NDUFS3: variants seen among roughly 807,000 people sequenced by gnomAD.
NDUFS3 encodes the protein NADH:ubiquinone oxidoreductase core subunit S3.
In NDUFS3, 19 loss-of-function variants were observed where a neutral mutation model predicts 30.8. The ratio of observed to expected loss-of-function variants is 0.62; its 90% CI spans 0.43 to 0.91. The LOEUF is 0.91. Among genes scored for constraint, NDUFS3 ranks in the 40% least tolerant of loss-of-function variants. The probability of loss-of-function intolerance (pLI) is 0.00; values close to 1 mark genes in which losing one functional copy is unlikely to be tolerated. For synonymous variants in NDUFS3, 153 were observed against 135.8 expected, an observed-to-expected ratio of 1.13 and a Z score of -0.88; for missense variants, 331 against 342.0, an observed-to-expected ratio of 0.97 and a Z score of 0.25.
chr11:47,580,283 AAGAGGTGAACACCCC>A (rs1187557280), intron 2 of NDUFS3, among the ~76,000 whole-genome samples: 23 of 152,208 alleles, frequency 1.5e-4, no homozygotes, highest in African/African-American at 5.5e-4. Context: ...TAATTTTGAG[AAGAGGTGAACACCCC>A]AGCTGCTATA....
At chr11:47,581,142 CT>C (rs2097268621) in intron 4 of NDUFS3, 158 bp downstream of exon 4, 1 of 841,302 alleles carries the variant, frequency 1.2e-6, no homozygotes, top group African/African-American at 1.7e-5. Context: ...CCTCAGATAA[CT>C]CAAATATTTT....
chr11:47,583,687 G>A (rs1247987471), intron 6 of NDUFS3, among the ~76,000 whole-genome samples: 1 of 152,184 alleles, frequency 6.6e-6, no homozygotes, highest in Non-Finnish European at 1.5e-5. Flanking sequence ...CTCCTGCTGT[G>A]TTAGTGCTTT....
rs1479609982 is a variant in NDUFS3 at position 47,579,115 on chromosome 11, G to T, written c.24G>T (p.Arg8Ser). 3 of 1,586,458 alleles carry T rather than the reference G, an allele frequency of 1.9e-6. No homozygotes were observed. Among genetic ancestry groups the T allele is most frequent in the Non-Finnish European group, 2.6e-6 (3 of 1,168,124 alleles). Residue 8 changes from arginine to serine, a missense_variant, in exon 1 of 7, where the codon AGG (arginine) becomes AGT (serine). Transcript: ENST00000263774. ...ACATGGCGGCGGCGGCGGTAGCCAG[G>T]CTGTGGTGGCGCGGGATCTTGGGGG... MAAAAVA[R>S]LWWRGILGAS...
In NDUFS3 at chr11:47,584,427, A is replaced by AC; in HGVS notation, c.746dup (p.Glu250GlyfsTer6). 4 of 1,613,864 alleles carry AC rather than the reference A, an allele frequency of 2.5e-6. No individual in the cohort carries two copies. Among genetic ancestry groups the AC allele is most frequent in the Non-Finnish European group, 3.4e-6 (4 of 1,179,968 alleles). ...GGGAGGCTTTCCCAGTCTATCGCCA[A>AC]CCCCCGGAGAGTCTCAAGCTTGAAG... On this transcript the variant is annotated frameshift_variant, in exon 7 of 7. Transcript: ENST00000263774. LOFTEE classifies it high-confidence loss of function.
intron 2 of NDUFS3, among the ~76,000 whole-genome samples, chr11:47,579,984 G>GACACACACAC (rs36201718): frequency 2.5e-3 from 343 of 139,378 alleles, no homozygotes; most frequent in Non-Finnish European, 3.1e-3. Context: ...TTTTCTCATT[G>GACACACACAC]ACACACACAC....
At chr11:47,580,029 A>ACACACC (rs1555198653) in intron 2 of NDUFS3, among the ~76,000 whole-genome samples, 1 of 122,924 alleles carries the variant, frequency 8.1e-6, no homozygotes, top group Non-Finnish European at 1.7e-5. Context: ...ACACACACAC[A>ACACACC]CCTGGGCCTC....
rs748344094 is a variant in NDUFS3 at position 47,579,374 on chromosome 11, C to T, written c.133+40C>T. The T allele has an allele frequency of 2.7e-5, 43 of 1,610,652 alleles. 1 individual carries two copies. The East Asian group carries it at 9.6e-4, about 36-fold the overall frequency. ...GCAGCGCTCTTCTCTGAACTATCGGCGGGGCCCCTTAGATGCCTGTCCTTG... is the reference window on the plus strand; with the variant it reads ...GCAGCGCTCTTCTCTGAACTATCGGTGGGGCCCCTTAGATGCCTGTCCTTG... On this transcript the variant is annotated intron_variant, in intron 2 of 6. Coordinates refer to ENST00000263774, the MANE Select transcript of NDUFS3 (RefSeq NM_004551.3).
chr11:47,584,549 CCTA>C lies in NDUFS3; in HGVS notation c.*71_*73del. Reference sequence around the variant, plus strand: ...GATTGAGTGTCCGTGTAAATAAATTCCTACTTAGACTTACCACTTTGTGTGTGC... The same window carrying C: ...GATTGAGTGTCCGTGTAAATAAATTCCTTAGACTTACCACTTTGTGTGTGC... On this transcript the variant is annotated 3_prime_UTR_variant, in exon 7 of 7. Transcript: ENST00000263774. 1.3e-6 allele frequency: 2 copies of C among 1,578,358 alleles called. No homozygotes were observed. The highest frequency in any genetic ancestry group is 1.1e-5 in the South Asian group (1 of 90,066).
Position 47,582,202 on chromosome 11 carries a change from T to C in NDUFS3, c.496T>C (p.Tyr166His), listed in dbSNP as rs144217602. 66 of 1,614,044 alleles carry C rather than the reference T, an allele frequency of 4.1e-5. No homozygotes were observed. The highest frequency in any genetic ancestry group is 5.3e-5 in the Non-Finnish European group (62 of 1,180,036). ...AVSVFKAANW[Y>H]EREIWDMFGV... ...CTCTGTGTTCAAGGCAGCCAACTGG[T>C]ATGAAAGGGAGGTGAGTTACCGGAT... is the stretch of plus-strand genomic sequence containing the variant. Residue 166 changes from tyrosine to histidine, a missense_variant, in exon 5 of 7, where the codon TAT becomes CAT. Physicochemically the swap from Tyr to His is moderately conservative, Grantham distance 83. Coordinates refer to ENST00000263774, the MANE Select transcript of NDUFS3 (RefSeq NM_004551.3).
chr11:47,579,652 T>C, intron 2 of NDUFS3: 6 of 527,278 alleles, frequency 1.1e-5, no homozygotes, highest in Non-Finnish European at 2.1e-5. Flanking sequence ...GCTTAATGTG[T>C]GCCTGGAACC....
intron 2 of NDUFS3, 26 bp downstream of exon 2, chr11:47,579,360 C>T: frequency 6.2e-7 from 1 of 1,612,352 alleles, no homozygotes; most frequent in South Asian, 1.1e-5. Flanking sequence ...CAGCGCTCTT[C>T]TCTGAACTAT....
intron 2 of NDUFS3, chr11:47,579,708 C>T: frequency 2.5e-6 from 1 of 400,502 alleles, no homozygotes; most frequent in Non-Finnish European, 4.7e-6. Flanking sequence ...CTCACAACAG[C>T]CTTATGGGGT....
At chr11:47,581,263 C>T (rs958175037) in intron 4 of NDUFS3, 16 of 412,904 alleles carry the variant, frequency 3.9e-5, no homozygotes, top group African/African-American at 3.1e-4. Context: ...AAGCGATTCC[C>T]CTGCCTCAGC....
rs758962707 is a variant in NDUFS3, at chr11:47,580,583, T to A, written c.192T>A (p.Tyr64Ter). 3 of 1,614,232 alleles carry A rather than the reference T, an allele frequency of 1.9e-6. No homozygotes were observed. In the South Asian group the frequency reaches 3.3e-5, roughly 18 times the overall value. ...AHKQLSAFGE[Y>*]VAEILPKYVQ... ...AGCAGCTCTCAGCTTTTGGAGAGTATGTGGCTGAAATCTTGCCCAAGTATG... is the reference window on the plus strand; with the variant it reads ...AGCAGCTCTCAGCTTTTGGAGAGTAAGTGGCTGAAATCTTGCCCAAGTATG... The change falls in exon 3 of 7, where the codon TAT becomes TAA. Residue 64 changes from tyrosine (Y) to a stop codon, truncating the protein, a stop_gained. Coordinates refer to ENST00000263774, the MANE Select transcript of NDUFS3 (RefSeq NM_004551.3). LOFTEE classifies it high-confidence loss of function.
intron 5 of NDUFS3, 28 bp downstream of exon 5, chr11:47,582,241 C>G: frequency 6.2e-7 from 1 of 1,614,190 alleles, no homozygotes; most frequent in South Asian, 1.1e-5. Flanking sequence ...GTGGACCTGC[C>G]TCTGGGCCAC....
At chr11:47,579,212 G>C (rs1195969350) in intron 1 of NDUFS3, 54 bp downstream of exon 1, 2 of 1,613,856 alleles carry the variant, frequency 1.2e-6, no homozygotes, top group Non-Finnish European at 1.7e-6. Context: ...CGTGCCCAGT[G>C]CAGAGAGCTC....
chr11:47,581,070 G>C, intron 4 of NDUFS3, 86 bp downstream of exon 4: 1 of 1,522,192 alleles, frequency 6.6e-7, no homozygotes, highest in Middle Eastern at 2.1e-4. Flanking sequence ...AGTTAAACTG[G>C]AACTTCAGAG....
intron 2 of NDUFS3, among the ~76,000 whole-genome samples, chr11:47,579,937 TG>T (rs1427076738): frequency 1.3e-5 from 2 of 151,506 alleles, no homozygotes; most frequent in African/African-American, 4.9e-5. Flanking sequence ...ATACACGGAC[TG>T]GGAGTTAGGA....
intron 2 of NDUFS3, among the ~76,000 whole-genome samples, chr11:47,579,933 G>A (rs2097267244): frequency 2.0e-5 from 3 of 150,520 alleles, no homozygotes; most frequent in Non-Finnish European, 4.4e-5. Flanking sequence ...CAAGATACAC[G>A]GACTGGGAGT....
Sources: gnomAD v4.1 joint callset for allele counts (sites outside exome capture counted in the v4.1 genomes callset) on GRCh38, gnomAD v4.1.1 for gene constraint, MANE v1.5 for transcripts, NCBI Gene and HGNC (gene_info 2026-07-23, HGNC 2026-07-21) for gene names.